The following VEPH1 variants were observed in gnomAD, a reference collection of about 807,000 sequenced individuals.
VEPH1 encodes the protein ventricular zone expressed PH domain containing 1, also known as ventricular zone-expressed PH domain-containing protein homolog 1.
Under a neutral mutation model 85.2 loss-of-function variants are expected in VEPH1, and 80 were observed. The ratio of observed to expected loss-of-function variants is 0.94; its 90% CI spans 0.78 to 1.13. VEPH1 has a LOEUF of 1.13. VEPH1 is among the 50% of genes most tolerant of loss of function. The probability of loss-of-function intolerance (pLI) is 0.00; values close to 1 mark genes in which losing one functional copy is unlikely to be tolerated. For missense variants in VEPH1, 955 were observed against 980.5 expected, an observed-to-expected ratio of 0.97 and a Z score of 0.35; for synonymous variants, 297 against 348.0, an observed-to-expected ratio of 0.85 and a Z score of 1.63.
intron 7 of VEPH1, among the ~76,000 whole-genome samples, chr3:157,370,149 T>C (rs1727325742): frequency 6.6e-6 from 1 of 152,196 alleles, no homozygotes; most frequent in African/African-American, 2.4e-5. Flanking sequence ...TAAAAGTACA[T>C]CTAGGGATTC....
chr3:157,391,424 T>C (rs1352703923), intron 6 of VEPH1, among the ~76,000 whole-genome samples: 1 of 152,200 alleles, frequency 6.6e-6, no homozygotes, highest in Non-Finnish European at 1.5e-5. Context: ...CTTGGAGATA[T>C]TCTGAGGGAA....
chr3:157,438,994 T>G (rs1201126912), intron 4 of VEPH1, among the ~76,000 whole-genome samples: 1 of 152,172 alleles, frequency 6.6e-6, no homozygotes, highest in East Asian at 1.9e-4. Context: ...GTTAAAGAAT[T>G]TTATGTAATG....
intron 6 of VEPH1, chr3:157,409,754 C>A: frequency 2.0e-6 from 2 of 985,372 alleles, no homozygotes; most frequent in African/African-American, 3.5e-5. Context: ...GCAGTTCTTA[C>A]ACCTGGCTTT....
Position 157,272,553 on chromosome 3 carries a change from G to A in VEPH1, c.2129-6891C>T, listed in dbSNP as rs1179942189. 4.0e-5 allele frequency among the ~76,000 whole-genome samples: 6 copies of A among 150,428 alleles called. No homozygotes were observed. In the East Asian group the frequency reaches 1.2e-3, roughly 29 times the overall value. On this transcript the variant is annotated intron_variant, in intron 12 of 13. Coordinates refer to ENST00000362010, the MANE Select transcript of VEPH1 (RefSeq NM_001167912.2). ...ACTCACTGCAGCCTCCAGATCCTGGGCTCAAGTGATTCTCCCACATCAGCC... is the reference window on the plus strand; with the variant it reads ...ACTCACTGCAGCCTCCAGATCCTGGACTCAAGTGATTCTCCCACATCAGCC...
Position 157,313,664 on chromosome 3 carries a change from CT to C in VEPH1, c.1966del (p.Ser656AlafsTer6). ...WEKTQAGGAH[S>X]FETAMMESTF... is the part of the protein sequence containing the mutation. ...GGACTCCATCATGGCAGTTTCAAAG[CT>C]GTGAGCACCCCCTGCCTGGGTCTTC... On this transcript the variant is annotated frameshift_variant, in exon 11 of 14. Coordinates refer to ENST00000362010, the MANE Select transcript of VEPH1 (RefSeq NM_001167912.2). LOFTEE classifies it high-confidence loss of function. 6.2e-7 allele frequency: 1 copy of C among 1,614,170 alleles called. No individual in the cohort carries two copies. Among genetic ancestry groups the C allele is most frequent in the Non-Finnish European group, 8.5e-7 (1 of 1,180,034 alleles).
intron 6 of VEPH1, among the ~76,000 whole-genome samples, chr3:157,411,676 A>G (rs749020295): frequency 6.6e-6 from 1 of 152,198 alleles, no homozygotes; most frequent in Non-Finnish European, 1.5e-5. Flanking sequence ...CTGATCTACA[A>G]TTGTTCTCTG....
intron 9 of VEPH1, among the ~76,000 whole-genome samples, chr3:157,323,479 T>C (rs1721572426): frequency 6.6e-6 from 1 of 152,226 alleles, no homozygotes; most frequent in Non-Finnish European, 1.5e-5. Flanking sequence ...GCCTAGTGTT[T>C]ACTAAGTTCT....
At chr3:157,302,759 TC>T (rs954613015) in intron 11 of VEPH1, among the ~76,000 whole-genome samples, 3 of 152,004 alleles carry the variant, frequency 2.0e-5, no homozygotes, top group Non-Finnish European at 4.4e-5. Context: ...CACAAAAAAA[TC>T]TAAGCTTCTT....
At chr3:157,280,129 A>G (rs1715910461) in intron 12 of VEPH1, among the ~76,000 whole-genome samples, 1 of 152,148 alleles carries the variant, frequency 6.6e-6, no homozygotes, top group Non-Finnish European at 1.5e-5. Flanking sequence ...CAATACAAAA[A>G]GGATTACTCT....
chr3:157,369,192 A>AAAAAAAAAAAAACAAAAAAAC (rs1553773119), intron 7 of VEPH1, among the ~76,000 whole-genome samples: 1 of 142,702 alleles, frequency 7.0e-6, no homozygotes, highest in Non-Finnish European at 1.6e-5. Context: ...AAAAAAAAAA[A>AAAAAAAAAAAAACAAAAAAAC]AAAAAAAAAA....
chr3:157,282,346 C>T (rs1716238493), intron 12 of VEPH1, among the ~76,000 whole-genome samples: 1 of 152,218 alleles, frequency 6.6e-6, no homozygotes. Flanking sequence ...GCTGGGACTA[C>T]AGGCACGTGC....
chr3:157,408,804 T>A (rs1731325404), intron 6 of VEPH1, among the ~76,000 whole-genome samples: 1 of 152,024 alleles, frequency 6.6e-6, no homozygotes, highest in Non-Finnish European at 1.5e-5. Context: ...GGTCTCAACG[T>A]ATGTCAGAGT....
chr3:157,272,917 G>C (rs140388384), intron 12 of VEPH1, among the ~76,000 whole-genome samples: 6 of 152,146 alleles, frequency 3.9e-5, no homozygotes, highest in Non-Finnish European at 7.3e-5. Context: ...TGACAGATCT[G>C]CTTTTGACTA....
Position 157,272,368 on chromosome 3 carries a change from C to CCTT in VEPH1, c.2129-6707_2129-6706insAAG, listed in dbSNP as rs1559913786. Among the ~76,000 whole-genome samples the CCTT allele has an allele frequency of 2.4e-4, 29 of 119,990 alleles. 1 individual carries two copies. Among genetic ancestry groups the CCTT allele is most frequent in the African/African-American group, 8.2e-4 (26 of 31,878 alleles). 78.7% of individuals were successfully genotyped at this position (119,990 alleles called of 152,430 possible). A position where few individuals can be genotyped will look rare whatever the true frequency, so the allele number is the denominator to read the frequency against. ...TCTTTTTCTCTCTCTTTCTTTCTTT[C>CCTT]TCTTTCTTTTCTTTCTTTCTTTCTT... is the stretch of plus-strand genomic sequence containing the variant. On this transcript the variant is annotated intron_variant, in intron 12 of 13. Transcript: ENST00000362010.
chr3:157,488,494 T>A (rs977268762), intron 2 of VEPH1, among the ~76,000 whole-genome samples: 1 of 144,580 alleles, frequency 6.9e-6, no homozygotes, highest in Admixed American at 6.9e-5. Flanking sequence ...TTTCTGACTT[T>A]CTTTCTTTCT....
intron 12 of VEPH1, among the ~76,000 whole-genome samples, chr3:157,278,247 G>T (rs1192349366): frequency 6.6e-6 from 1 of 152,186 alleles, no homozygotes; most frequent in Non-Finnish European, 1.5e-5. Flanking sequence ...CTGAAGCTGT[G>T]AATTTGATTT....
chr3:157,402,239 C>G (rs560099932), intron 6 of VEPH1, among the ~76,000 whole-genome samples: 1 of 152,270 alleles, frequency 6.6e-6, no homozygotes, highest in East Asian at 1.9e-4. Context: ...GCCCCTCTAT[C>G]ACTCTCTTAC....
At chr3:157,378,757 T>C (rs1040897249) in intron 7 of VEPH1, among the ~76,000 whole-genome samples, 2 of 152,164 alleles carry the variant, frequency 1.3e-5, no homozygotes, top group African/African-American at 4.8e-5. Context: ...TCGTCCCAGG[T>C]TGGCTTCCCT....
At chr3:157,418,963 G>A (rs1163687065) in intron 5 of VEPH1, among the ~76,000 whole-genome samples, 1 of 152,140 alleles carries the variant, frequency 6.6e-6, no homozygotes, top group Non-Finnish European at 1.5e-5. Context: ...AAACGGCAGA[G>A]TACTGGTACA....
Sources: allele counts gnomAD v4.1 joint callset (sites outside exome capture counted in the v4.1 genomes callset), GRCh38; gene constraint gnomAD v4.1.1; transcripts MANE v1.5; gene names NCBI Gene and HGNC (gene_info 2026-07-23, HGNC 2026-07-21).